Variants in SP100 observed in about 807,000 individuals in gnomAD.
SP100 encodes nuclear autoantigen Sp-100.
Under a neutral mutation model 130.0 loss-of-function variants are expected in SP100, and 84 were observed. The ratio of observed to expected loss-of-function variants is 0.65; its 90% CI spans 0.54 to 0.77. The LOEUF (loss-of-function observed/expected upper bound fraction) is 0.77, where lower values mean the gene tolerates loss of function less well. Ranked by LOEUF, SP100 falls within the 30% of genes least tolerant of loss-of-function variation. SP100 has a pLI of 0.00. For synonymous variants in SP100, 331 were observed against 351.7 expected, an observed-to-expected ratio of 0.94 and a Z score of 0.66; for missense variants, 978 against 1,052.2, an observed-to-expected ratio of 0.93 and a Z score of 0.97.
intron 24 of SP100, among the ~76,000 whole-genome samples, chr2:230,536,258 G>T (rs1455213036): frequency 1.3e-5 from 2 of 152,084 alleles, no homozygotes; most frequent in African/African-American, 4.8e-5. Flanking sequence ...CCATGGTATG[G>T]ATTTGCCCAC....
At chr2:230,502,918 G>A in intron 19 of SP100, 148 bp from the exon 20 acceptor site, 1 of 586,044 alleles carries the variant, frequency 1.7e-6, no homozygotes, top group Non-Finnish European at 3.1e-6. Context: ...CTTACTATCT[G>A]TCCCTTTACA....
chr2:230,507,414 A>G (rs2150074633), intron 22 of SP100: 1 of 152,472 alleles, frequency 6.6e-6, no homozygotes, highest in South Asian at 2.1e-4. Context: ...TATTACACAA[A>G]TAAAAGATCT....
Position 230,494,468 on chromosome 2 carries a change from GAA to G in SP100, c.1645+10_1645+11del. ...TAAATGGTCTCCAAAGAGGTAAGAA[GAA>G]ATGTGGGGATTTACTCCTTTGAACT... On this transcript the variant is annotated intron_variant, in intron 18 of 28. Coordinates refer to ENST00000340126, the MANE Select transcript of SP100 (RefSeq NM_001080391.2). 1 of 1,599,902 alleles carries G rather than the reference GAA, an allele frequency of 6.3e-7. No individual in the cohort carries two copies. The highest frequency in any genetic ancestry group is 8.6e-7 in the Non-Finnish European group (1 of 1,167,134).
intron 15 of SP100, among the ~76,000 whole-genome samples, chr2:230,471,939 T>TA (rs1165429188): frequency 6.6e-6 from 1 of 152,036 alleles, no homozygotes; most frequent in Non-Finnish European, 1.5e-5. Flanking sequence ...AACGTGAAAA[T>TA]AAAGTTGCTG....
chr2:230,496,338 G>A (rs531582413), intron 18 of SP100, among the ~76,000 whole-genome samples: 1 of 152,268 alleles, frequency 6.6e-6, no homozygotes, highest in Non-Finnish European at 1.5e-5. Context: ...ATATTAAAAA[G>A]CGTGAGCTGA....
chr2:230,474,413 C>A lies in SP100; in HGVS notation c.1566C>A (p.Asn522Lys). The A allele has an allele frequency of 6.5e-7, 1 of 1,537,376 alleles. No individual in the cohort carries two copies. Among genetic ancestry groups the A allele is most frequent in the Non-Finnish European group, 9.0e-7 (1 of 1,117,078 alleles). ...SDMMDTMDVE[N>K]NSTLEKHSGK... ...TTCTAGATACCATGGATGTTGAAAA[C>A]AATTCTACTTTGGAAAAACACAGTG... Residue 522 changes from asparagine (N) to lysine (K), a missense_variant, in exon 17 of 29, where the codon AAC becomes AAA. Coordinates refer to ENST00000340126, the MANE Select transcript of SP100 (RefSeq NM_001080391.2).
chr2:230,430,050 T>C (rs1033538677), intron 2 of SP100, among the ~76,000 whole-genome samples: 2 of 152,236 alleles, frequency 1.3e-5, no homozygotes, highest in Non-Finnish European at 2.9e-5. Flanking sequence ...CATCCTATCA[T>C]TGGTGTCTGC....
rs1247666086 is a variant in SP100, at chr2:230,501,335, T to A, written c.1721-1731T>A. Among the ~76,000 whole-genome samples the A allele has an allele frequency of 2.0e-5, 3 of 152,292 alleles. No individual in the cohort carries two copies. The East Asian group carries it at 5.8e-4, about 29-fold the overall frequency. On this transcript the variant is annotated intron_variant, in intron 19 of 28. Transcript: ENST00000340126. ...TTTATATGGGTTTAGTCATCTCTCC[T>A]CCCCATGTATCTCCATAATATTTTA...
chr2:230,530,375 A>G (rs1691645952), intron 24 of SP100, among the ~76,000 whole-genome samples: 2 of 151,106 alleles, frequency 1.3e-5, no homozygotes, highest in Admixed American at 6.6e-5. Context: ...CTGGCTAGCC[A>G]TATGTAGAAA....
rs748504517 is a variant in SP100 at position 230,508,001 on chromosome 2, T to A, written c.2022T>A (p.Phe674Leu). The change falls in exon 23 of 29, where the codon TTT becomes TTA. Residue 674 changes from phenylalanine to leucine, a missense_variant. Transcript: ENST00000340126. The part of the protein sequence containing the change: ...YTLKVLMENK[F>L]LPEPPSTRKK... ...TCTCTTTTCTTTTTTAGAACAAATT[T>A]CTGCCAGAACCACCAAGCACAAGAA... is the stretch of plus-strand genomic sequence containing the variant. 3.7e-6 allele frequency: 6 copies of A among 1,613,296 alleles called. No homozygotes were observed. In the African/African-American group the frequency reaches 5.3e-5, roughly 14 times the overall value.
chr2:230,532,352 T>G (rs1354493121), intron 24 of SP100, among the ~76,000 whole-genome samples: 2 of 152,164 alleles, frequency 1.3e-5, no homozygotes, highest in African/African-American at 4.8e-5. Flanking sequence ...AATCAATAAT[T>G]TGAGTTAGTT....
At position 230,498,504 on chromosome 2, in the gene SP100, C is replaced by T; in HGVS notation, c.1689C>T (p.Asn563=). Residue 563 remains asparagine, a synonymous_variant, in exon 19 of 29, where the codon AAC becomes AAT. Coordinates refer to ENST00000340126, the MANE Select transcript of SP100 (RefSeq NM_001080391.2). Reference sequence around the variant, plus strand: ...CTAGAAAACATTTAACTCTGAATAACAAAGTCCAAAAGAAAAGATGGCAAC... The same window carrying T: ...CTAGAAAACATTTAACTCTGAATAATAAAGTCCAAAAGAAAAGATGGCAAC... ...DRPRKHLTLN[N]KVQKKRWQQR... 6.8e-7 allele frequency: 1 copy of T among 1,472,248 alleles called. No individual in the cohort carries two copies. The highest frequency in any genetic ancestry group is 2.7e-5 in the Admixed American group (1 of 36,802). The allele number at this position is 1,472,248 out of a possible 1,614,324, so 91.2% of individuals were successfully genotyped here. A position where few individuals can be genotyped will look rare whatever the true frequency, so the allele number is the denominator to read the frequency against.
chr2:230,508,313 T>A, intron 23 of SP100: 21 of 291,956 alleles, frequency 7.2e-5, no homozygotes, highest in South Asian at 2.8e-4. Flanking sequence ...ATGCCATACT[T>A]TTTTTTTTTT....
chr2:230,459,296 G>T (rs2064455468), intron 8 of SP100, among the ~76,000 whole-genome samples: 2 of 152,076 alleles, frequency 1.3e-5, no homozygotes, highest in Non-Finnish European at 2.9e-5. Flanking sequence ...GACATTCTCT[G>T]ATCTGAGGAG....
chr2:230,535,265 G>A (rs1444629785), intron 24 of SP100, among the ~76,000 whole-genome samples: 2 of 152,122 alleles, frequency 1.3e-5, no homozygotes, highest in African/African-American at 4.8e-5. Context: ...TCATGAAAAG[G>A]ACTTTTGAAT....
At chr2:230,425,142 C>A (rs558215103) in intron 2 of SP100, among the ~76,000 whole-genome samples, 1 of 151,648 alleles carries the variant, frequency 6.6e-6, no homozygotes, top group South Asian at 2.1e-4. Context: ...GTTACCATTG[C>A]GTGTGTGTGA....
intron 19 of SP100, among the ~76,000 whole-genome samples, chr2:230,500,096 G>A (rs994012156): frequency 9.9e-5 from 15 of 152,098 alleles, no homozygotes; most frequent in African/African-American, 2.9e-4. Context: ...GCCTAAACAC[G>A]GTGATATACT....
chr2:230,529,457 C>A (rs935862789), intron 24 of SP100, among the ~76,000 whole-genome samples: 4 of 152,136 alleles, frequency 2.6e-5, no homozygotes, highest in Admixed American at 6.6e-5. Flanking sequence ...TTATGACAAA[C>A]CCACAGCCAA....
At chr2:230,473,884 GAA>G (rs552935181) in intron 16 of SP100, among the ~76,000 whole-genome samples, 12 of 133,778 alleles carry the variant, frequency 9.0e-5, no homozygotes, top group Non-Finnish European at 1.6e-4. Context: ...CCTTGTTCTT[GAA>G]AAAAAAAAAA....
Sources: allele counts gnomAD v4.1 joint callset (sites outside exome capture counted in the v4.1 genomes callset), GRCh38; gene constraint gnomAD v4.1.1; transcripts MANE v1.5; gene names NCBI Gene and HGNC (gene_info 2026-07-23, HGNC 2026-07-21).